Variants in LINGO2 observed in about 807,000 individuals in gnomAD.
LINGO2 encodes the protein leucine-rich repeat and immunoglobulin-like domain-containing nogo receptor-interacting protein 2.
LINGO2 carries 14 observed loss-of-function variants against 30.6 expected under a neutral mutation model. That is an observed-to-expected ratio of 0.46 (90% CI 0.30 to 0.72). LINGO2 has a LOEUF of 0.72. Ranked by LOEUF, LINGO2 falls within the 30% of genes least tolerant of loss-of-function variation. The probability of loss-of-function intolerance (pLI) is 0.07; values close to 1 mark genes in which losing one functional copy is unlikely to be tolerated. For missense variants in LINGO2, 729 were observed against 751.7 expected (o/e 0.97, Z 0.35); for synonymous variants, 317 against 288.5 (o/e 1.10, Z -1.00).
chr9:28,812,503 A>T, the LINGO2 span, among the ~76,000 whole-genome samples: 7 of 152,176 alleles, frequency 4.6e-5, no homozygotes, highest in Admixed American at 1.3e-4. Context: ...ATGTCTATGC[A>T]AATTCCTATG....
the LINGO2 span, among the ~76,000 whole-genome samples, chr9:28,880,196 C>T: frequency 6.6e-6 from 1 of 152,154 alleles, no homozygotes; most frequent in East Asian, 1.9e-4. Flanking sequence ...GCAACCTCCG[C>T]CTCCCAGGTG....
chr9:28,196,096 A>T (rs1243088562), intron 4 of LINGO2, among the ~76,000 whole-genome samples: 1 of 151,680 alleles, frequency 6.6e-6, no homozygotes, highest in Non-Finnish European at 1.5e-5. Context: ...AAATATGCTA[A>T]CATCCTTTTT....
chr9:28,521,443 T>C (rs1713367387), intron 1 of LINGO2, among the ~76,000 whole-genome samples: 1 of 152,144 alleles, frequency 6.6e-6, no homozygotes. Flanking sequence ...AGTGGGTTTG[T>C]AAGCCATTCA....
chr9:28,551,978 T>C (rs956276492), intron 1 of LINGO2, among the ~76,000 whole-genome samples: 11 of 152,128 alleles, frequency 7.2e-5, no homozygotes, highest in Non-Finnish European at 1.3e-4. Context: ...ATTAATCCTT[T>C]TTATTTTTTC....
intron 1 of LINGO2, among the ~76,000 whole-genome samples, chr9:28,667,361 T>A (rs1312452696): frequency 3.9e-5 from 6 of 152,180 alleles, no homozygotes; most frequent in Non-Finnish European, 8.8e-5. Context: ...TCACCTGACA[T>A]CATTTAAAAC....
At chr9:29,100,269 G>C in the LINGO2 span, among the ~76,000 whole-genome samples, 1 of 152,102 alleles carries the variant, frequency 6.6e-6, no homozygotes, top group Non-Finnish European at 1.5e-5. Context: ...ACGGGGGAGG[G>C]GAAGCCATTT....
chr9:28,665,665 G>C (rs1174204455), intron 1 of LINGO2, among the ~76,000 whole-genome samples: 1 of 152,006 alleles, frequency 6.6e-6, no homozygotes, highest in African/African-American at 2.4e-5. Flanking sequence ...TTCAAGTTTT[G>C]GTTTAGTGAA....
At chr9:29,118,636 A>C in the LINGO2 span, among the ~76,000 whole-genome samples, 1 of 152,156 alleles carries the variant, frequency 6.6e-6, no homozygotes, top group East Asian at 1.9e-4. Flanking sequence ...GATCCCAGCT[A>C]CAGATCAAAA....
Position 28,111,304 on chromosome 9 carries a change from G to C in LINGO2, c.-86-98899C>G, listed in dbSNP as rs1047629859. ...TAACACATGTGGGGCCTAAACTCTA[G>C]ATAATGGATTGATAGGTGGAGCAAA... On this transcript the variant is annotated intron_variant, in intron 4 of 5. Transcript: ENST00000379992. Among the ~76,000 whole-genome samples the C allele has an allele frequency of 7.2e-5, 11 of 151,978 alleles. No individual in the cohort carries two copies. In the East Asian group the frequency reaches 2.1e-3, roughly 30 times the overall value.
At chr9:28,645,762 A>T (rs1827809467) in intron 1 of LINGO2, among the ~76,000 whole-genome samples, 1 of 152,136 alleles carries the variant, frequency 6.6e-6, no homozygotes. Flanking sequence ...ATCTAATATC[A>T]GACTATAATC....
rs117776421 is a variant in LINGO2, at chr9:27,985,978, A to G, written c.-36+26377T>C. On this transcript the variant is annotated intron_variant, in intron 5 of 5. Transcript: ENST00000379992. ...CACTTCTCACTGGAAAACTCTCACA[A>G]TCACATTTATAACAAAGGAGAGGCA... 5.5e-3 allele frequency among the ~76,000 whole-genome samples: 843 copies of G among 151,992 alleles called. 3 individuals are homozygous for G. Among genetic ancestry groups the G allele is most frequent in the Non-Finnish European group, 9.7e-3 (655 of 67,852 alleles).
At chr9:28,417,083 A>G (rs1414984895) in intron 2 of LINGO2, among the ~76,000 whole-genome samples, 1 of 139,940 alleles carries the variant, frequency 7.1e-6, no homozygotes, top group African/African-American at 2.5e-5. Flanking sequence ...CAATATAGTA[A>G]GGAGTTCAGA....
chr9:28,588,176 T>C (rs1390321083), intron 1 of LINGO2, among the ~76,000 whole-genome samples: 2 of 152,032 alleles, frequency 1.3e-5, no homozygotes, highest in Non-Finnish European at 2.9e-5. Context: ...AGGCAGCCCA[T>C]TCCCCCTCTG....
chr9:29,209,996 T>C, the LINGO2 span, among the ~76,000 whole-genome samples: 1 of 152,142 alleles, frequency 6.6e-6, no homozygotes, highest in East Asian at 1.9e-4. Flanking sequence ...TTTCACAGAA[T>C]ATCTAGAGAC....
the LINGO2 span, among the ~76,000 whole-genome samples, chr9:29,062,443 T>C: frequency 6.6e-6 from 1 of 152,264 alleles, no homozygotes; most frequent in Non-Finnish European, 1.5e-5. Flanking sequence ...ACCTGAGTGT[T>C]CATCAGTGGA....
intron 4 of LINGO2, among the ~76,000 whole-genome samples, chr9:28,205,084 A>G (rs1243697902): frequency 6.6e-6 from 1 of 152,192 alleles, no homozygotes; most frequent in African/African-American, 2.4e-5. Flanking sequence ...TCTACACTAG[A>G]GCCTATTCTA....
At chr9:28,031,082 G>T (rs2119442436) in intron 4 of LINGO2, among the ~76,000 whole-genome samples, 1 of 152,138 alleles carries the variant, frequency 6.6e-6, no homozygotes, top group Middle Eastern at 3.4e-3. Flanking sequence ...GTCGATTAAT[G>T]AGGCTTTATA....
At chr9:28,638,029 G>A (rs1252200033) in intron 1 of LINGO2, among the ~76,000 whole-genome samples, 2 of 152,160 alleles carry the variant, frequency 1.3e-5, no homozygotes, top group Admixed American at 1.3e-4. Context: ...TTTTTAGCAT[G>A]AAGGTTGTTG....
chr9:28,212,377 T>A (rs1820621756), intron 4 of LINGO2, among the ~76,000 whole-genome samples: 1 of 151,426 alleles, frequency 6.6e-6, no homozygotes, highest in Non-Finnish European at 1.5e-5. Flanking sequence ...AGAGTTAGGA[T>A]TTGAACCCGT....
Sources: allele counts gnomAD v4.1 joint callset (sites outside exome capture counted in the v4.1 genomes callset), GRCh38; gene constraint gnomAD v4.1.1; transcripts MANE v1.5; gene names NCBI Gene and HGNC (gene_info 2026-07-23, HGNC 2026-07-21).